The following ADGRL4 variants were observed in gnomAD, a reference collection of about 807,000 sequenced individuals.
ADGRL4 encodes the protein EGF, latrophilin and seven transmembrane domain containing 1.
In ADGRL4, 90 loss-of-function variants were observed where a neutral mutation model predicts 74.8. That is an observed-to-expected ratio of 1.20 (90% CI 1.02 to 1.43). The LOEUF (loss-of-function observed/expected upper bound fraction) is 1.43. ADGRL4 is among the 40% of genes most tolerant of loss of function. The probability of loss-of-function intolerance (pLI) is 0.00; values close to 1 mark genes in which losing one functional copy is unlikely to be tolerated. For missense variants in ADGRL4, 881 were observed against 814.3 expected, an observed-to-expected ratio of 1.08 and a Z score of -1.00; for synonymous variants, 311 against 279.2, an observed-to-expected ratio of 1.11 and a Z score of -1.14.
intron 2 of ADGRL4, among the ~76,000 whole-genome samples, chr1:78,952,901 T>C (rs1346446164): frequency 6.6e-6 from 1 of 152,108 alleles, no homozygotes; most frequent in Non-Finnish European, 1.5e-5. Flanking sequence ...AAAGTATGTA[T>C]AAGCCAGGAA....
Position 78,980,192 on chromosome 1 carries a change from A to C in ADGRL4, c.172+24878T>G, listed in dbSNP as rs140302997. ...CACACACACACAGACACATACACAC[A>C]CACACCCACACACCAGTTTGGGTGG... On this transcript the variant is annotated intron_variant, in intron 2 of 14. Transcript: ENST00000370742. Among the ~76,000 whole-genome samples, 523 of 151,924 alleles carry C rather than the reference A, an allele frequency of 3.4e-3. 1 individual carries two copies. The highest frequency in any genetic ancestry group is 6.8e-3 in the Admixed American group (104 of 15,216).
chr1:78,916,151 A>C (rs987890584), intron 12 of ADGRL4, among the ~76,000 whole-genome samples: 33 of 152,024 alleles, frequency 2.2e-4, no homozygotes, highest in African/African-American at 7.7e-4. Context: ...CCATAAAATA[A>C]TCCAAATTAG....
At chr1:78,991,051 T>C (rs1006045569) in intron 2 of ADGRL4, among the ~76,000 whole-genome samples, 2 of 152,068 alleles carry the variant, frequency 1.3e-5, no homozygotes, top group African/African-American at 4.8e-5. Context: ...ATGTCAACTT[T>C]AATTATCAAA....
intron 2 of ADGRL4, among the ~76,000 whole-genome samples, chr1:78,982,651 A>G (rs1650418112): frequency 6.6e-6 from 1 of 151,958 alleles, no homozygotes; most frequent in Admixed American, 6.6e-5. Flanking sequence ...TCTCCAACAA[A>G]ACATCTAGAA....
intron 2 of ADGRL4, among the ~76,000 whole-genome samples, chr1:78,971,449 A>ATTCC (rs1465598745): frequency 6.6e-6 from 1 of 152,106 alleles, no homozygotes; most frequent in Non-Finnish European, 1.5e-5. Flanking sequence ...AGCCATGGGA[A>ATTCC]GTTCACACCC....
intron 2 of ADGRL4, among the ~76,000 whole-genome samples, chr1:78,968,873 T>C (rs1345615459): frequency 6.6e-6 from 1 of 152,182 alleles, no homozygotes; most frequent in African/African-American, 2.4e-5. Flanking sequence ...TGACAGATGC[T>C]CTCAAATACA....
chr1:78,989,576 G>A (rs576636986), intron 2 of ADGRL4, among the ~76,000 whole-genome samples: 12 of 151,716 alleles, frequency 7.9e-5, no homozygotes, highest in Non-Finnish European at 1.3e-4. Context: ...GGTATGTCCC[G>A]AAGTGCCCGT....
At chr1:78,965,997 A>T (rs1650048407) in intron 2 of ADGRL4, among the ~76,000 whole-genome samples, 1 of 152,046 alleles carries the variant, frequency 6.6e-6, no homozygotes, top group Non-Finnish European at 1.5e-5. Flanking sequence ...GAACCAAAAA[A>T]AAAAAAACAA....
intron 2 of ADGRL4, among the ~76,000 whole-genome samples, chr1:78,981,065 T>G (rs576105471): frequency 6.6e-6 from 1 of 151,994 alleles, no homozygotes; most frequent in African/African-American, 2.4e-5. Flanking sequence ...AAAATAGTAT[T>G]AATCTTTGTG....
intron 2 of ADGRL4, among the ~76,000 whole-genome samples, chr1:78,974,076 C>T (rs1016941777): frequency 1.3e-5 from 2 of 152,128 alleles, no homozygotes; most frequent in Admixed American, 6.6e-5. Flanking sequence ...CCTGTACAGC[C>T]ACAGCAATCC....
chr1:78,915,619 G>A (rs967639812), intron 12 of ADGRL4, among the ~76,000 whole-genome samples: 4 of 151,890 alleles, frequency 2.6e-5, no homozygotes, highest in Non-Finnish European at 5.9e-5. Context: ...GTCCTCTCAC[G>A]GGGCTATAGC....
At chr1:78,975,177 T>C (rs1244853423) in intron 2 of ADGRL4, among the ~76,000 whole-genome samples, 1 of 152,122 alleles carries the variant, frequency 6.6e-6, no homozygotes, top group Non-Finnish European at 1.5e-5. Context: ...AATTATCAGG[T>C]AATCCTCACT....
chr1:78,928,459 T>C (rs1290366311), intron 7 of ADGRL4, among the ~76,000 whole-genome samples: 1 of 151,472 alleles, frequency 6.6e-6, no homozygotes, highest in Non-Finnish European at 1.5e-5. Context: ...CATTCACTAA[T>C]AAAGGGCATA....
At chr1:78,980,380 T>A (rs1650374267) in intron 2 of ADGRL4, among the ~76,000 whole-genome samples, 1 of 151,974 alleles carries the variant, frequency 6.6e-6, no homozygotes, top group South Asian at 2.1e-4. Context: ...AATAAGCATA[T>A]AATATAAATA....
At chr1:78,981,626 C>A (rs764966934) in intron 2 of ADGRL4, among the ~76,000 whole-genome samples, 1 of 151,706 alleles carries the variant, frequency 6.6e-6, no homozygotes, top group East Asian at 1.9e-4. Flanking sequence ...AACATATTAA[C>A]CATATTGTAT....
At chr1:78,932,667 T>C (rs1378082835) in intron 7 of ADGRL4, among the ~76,000 whole-genome samples, 4 of 121,298 alleles carry the variant, frequency 3.3e-5, no homozygotes, top group Admixed American at 7.7e-5. Flanking sequence ...ATTAACAAAA[T>C]AGACCACAAG....
At chr1:78,932,292 A>C (rs1649258697) in intron 7 of ADGRL4, among the ~76,000 whole-genome samples, 1 of 151,526 alleles carries the variant, frequency 6.6e-6, no homozygotes, top group African/African-American at 2.5e-5. Flanking sequence ...ATACACTTAC[A>C]TGGAAGTTGA....
intron 2 of ADGRL4, among the ~76,000 whole-genome samples, chr1:78,975,581 A>T (rs961222095): frequency 2.6e-5 from 4 of 151,786 alleles, no homozygotes; most frequent in African/African-American, 9.7e-5. Context: ...AATTTCTTAA[A>T]CTCTAAAATA....
At chr1:78,905,090 G>C (rs1648607973) in intron 12 of ADGRL4, among the ~76,000 whole-genome samples, 1 of 151,758 alleles carries the variant, frequency 6.6e-6, no homozygotes, top group Non-Finnish European at 1.5e-5. Context: ...TTTATTTTTG[G>C]CCAATATGTT....
Sources: gnomAD v4.1 joint callset for allele counts (sites outside exome capture counted in the v4.1 genomes callset) on GRCh38, gnomAD v4.1.1 for gene constraint, MANE v1.5 for transcripts, NCBI Gene and HGNC (gene_info 2026-07-23, HGNC 2026-07-21) for gene names.